The following FAM120B variants were observed in gnomAD, a reference collection of about 807,000 sequenced individuals.
FAM120B encodes the protein family with sequence similarity 120 member B.
In FAM120B, 83 loss-of-function variants were observed where a neutral mutation model predicts 96.3. The observed-to-expected ratio is 0.86, with a 90% CI of 0.72 to 1.03. The LOEUF is 1.03. Ranked by LOEUF, FAM120B falls within the 50% of genes least tolerant of loss-of-function variation. The pLI, the probability that FAM120B is intolerant of heterozygous loss-of-function variation, is 0.00. For synonymous variants in FAM120B, 407 were observed against 402.7 expected (o/e 1.01, Z -0.13); for missense variants, 1,027 against 1,121.2 (o/e 0.92, Z 1.20).
chr6:170,359,220 G>A (rs1472470180), intron 6 of FAM120B, among the ~76,000 whole-genome samples: 1 of 152,060 alleles, frequency 6.6e-6, no homozygotes, highest in Non-Finnish European at 1.5e-5. Flanking sequence ...GGCCAACATG[G>A]TGAACCCTCA....
In FAM120B at chr6:170,363,267, G is replaced by T. The variant is rs1788576979; in HGVS notation, c.2283+4949G>T. On this transcript the variant is annotated intron_variant, in intron 6 of 10. Transcript: ENST00000476287. The surrounding 1 kb of genome is among the most constrained non-coding windows in gnomAD (Gnocchi z 4.5). ...ATAGCTAATCATTGGGAAGTTCTTG[G>T]TCATTTTTTGGTTGGAAAATTAAAA... Among the ~76,000 whole-genome samples the T allele has an allele frequency of 6.6e-6, 1 of 152,204 alleles. No individual in the cohort carries two copies. The highest frequency in any genetic ancestry group is 1.5e-5 in the Non-Finnish European group (1 of 68,046).
Position 170,388,501 on chromosome 6 carries a change from C to T in FAM120B, c.2490+8C>T. ...GTTCTTTTAGAACAAAATGTGAGTTCACAGACACCTACCTTTCACCAGAAA... is the reference window on the plus strand; with the variant it reads ...GTTCTTTTAGAACAAAATGTGAGTTTACAGACACCTACCTTTCACCAGAAA... On this transcript the variant is annotated splice_region_variant and intron_variant, in intron 7 of 10. Coordinates refer to ENST00000476287, the MANE Select transcript of FAM120B (RefSeq NM_032448.3). The T allele has an allele frequency of 1.9e-6, 3 of 1,610,934 alleles. No homozygotes were observed. The highest frequency in any genetic ancestry group is 1.3e-5 in the African/African-American group (1 of 74,968).
Position 170,404,885 on chromosome 6 carries a change from A to C in FAM120B, c.*134A>C, listed in dbSNP as rs1380184380. The C allele has an allele frequency of 2.4e-6, 1 of 417,174 alleles. No homozygotes were observed. 25.8% of individuals were successfully genotyped at this position (417,174 alleles called of 1,614,324 possible). On this transcript the variant is annotated 3_prime_UTR_variant, in exon 11 of 11. Coordinates refer to ENST00000476287, the MANE Select transcript of FAM120B (RefSeq NM_032448.3). ...CCAGGCCTCGCTTGCATGAAGAAGG[A>C]ACGATGCCTTTTTCAATGGTGTCTC...
chr6:170,388,586 T>C, intron 7 of FAM120B, 93 bp downstream of exon 7: 1 of 1,054,588 alleles, frequency 9.5e-7, no homozygotes, highest in Non-Finnish European at 1.4e-6. Flanking sequence ...TTTTTCAAAT[T>C]AATGCTTTCC....
Position 170,335,045 on chromosome 6 carries a change from T to G in FAM120B, c.2017+4495T>G, listed in dbSNP as rs200364824. ...GTCAGGGTTTTTTGAGTTTTTTTTT[T>G]GTTTTTTTTTTTAATGTAAGTTCTG... On this transcript the variant is annotated intron_variant, in intron 4 of 10. Transcript: ENST00000476287. Among the ~76,000 whole-genome samples, 1,322 of 151,610 alleles carry G rather than the reference T, an allele frequency of 8.7e-3. 62 individuals carry two copies. The East Asian group carries it at 0.11, about 12-fold the overall frequency.
intron 1 of FAM120B, among the ~76,000 whole-genome samples, chr6:170,314,269 C>G (rs145705667): frequency 6.6e-6 from 1 of 152,326 alleles, no homozygotes. Flanking sequence ...GGCAGTGATT[C>G]TACTTTGCAC....
At position 170,370,118 on chromosome 6, in the gene FAM120B, T is replaced by A. The variant is rs1363671256; in HGVS notation, c.2283+11800T>A. On this transcript the variant is annotated intron_variant, in intron 6 of 10. Transcript: ENST00000476287. This position sits in a 1 kb window ranked among gnomAD's most constrained non-coding sequence, Gnocchi z 4.3. ...TCGGCAGAAATTTATCGCAGAGACA[T>A]TGCAGAGGTGAGACGGAGACTCTCA... Among the ~76,000 whole-genome samples the A allele has an allele frequency of 6.6e-6, 1 of 152,206 alleles. No individual in the cohort carries two copies. The highest frequency in any genetic ancestry group is 1.5e-5 in the Non-Finnish European group (1 of 68,030).
chr6:170,320,216 A>G (rs1424928112), intron 2 of FAM120B, among the ~76,000 whole-genome samples: 1 of 152,178 alleles, frequency 6.6e-6, no homozygotes, highest in Non-Finnish European at 1.5e-5. Flanking sequence ...ATAGATCTGT[A>G]AGGAAGCTCC....
chr6:170,388,528 A>G, intron 7 of FAM120B, 35 bp downstream of exon 7: 1 of 1,561,532 alleles, frequency 6.4e-7, no homozygotes, highest in Non-Finnish European at 8.8e-7. Flanking sequence ...CACCAGAAAC[A>G]TCCCTGTAGC....
chr6:170,385,514 T>A (rs1001587338), intron 6 of FAM120B, among the ~76,000 whole-genome samples: 1 of 152,140 alleles, frequency 6.6e-6, no homozygotes, highest in Non-Finnish European at 1.5e-5. Context: ...AGAGAAAGGT[T>A]TTTTTTATGT....
rs565926320 is a variant in FAM120B, at chr6:170,306,791, TG to T, written c.-70del. 0.01 allele frequency: 1,606 copies of T among 153,312 alleles called. 10 individuals are homozygous for T. Among genetic ancestry groups the T allele is most frequent in the Non-Finnish European group, 0.017 (1,138 of 68,884 alleles). 9.5% of individuals were successfully genotyped at this position (153,312 alleles called of 1,614,324 possible). A position where few individuals can be genotyped will look rare whatever the true frequency, so the allele number is the denominator to read the frequency against. ...CGGCTGTGGCGGTGGCTGAGGCGGC[TG>T]GGCCTAGGGTGCAGCGGGCGCGTCT... On this transcript the variant is annotated 5_prime_UTR_variant, in exon 1 of 11. Coordinates refer to ENST00000476287, the MANE Select transcript of FAM120B (RefSeq NM_032448.3).
intron 9 of FAM120B, among the ~76,000 whole-genome samples, chr6:170,400,467 C>CT (rs1778505703): frequency 1.3e-5 from 2 of 152,104 alleles, no homozygotes; most frequent in Non-Finnish European, 2.9e-5. Context: ...AGGCGGCCTG[C>CT]TGTGGTAGCT....
intron 1 of FAM120B, among the ~76,000 whole-genome samples, chr6:170,298,760 C>T (rs1037767864): frequency 6.6e-6 from 1 of 152,148 alleles, no homozygotes; most frequent in African/African-American, 2.4e-5. Flanking sequence ...AGATGTGAGG[C>T]TGCTTGCAGG....
intron 6 of FAM120B, among the ~76,000 whole-genome samples, chr6:170,361,198 G>GTATATATATATATATA (rs71010657): frequency 7.6e-5 from 5 of 66,036 alleles, no homozygotes; most frequent in Non-Finnish European, 8.4e-5. Flanking sequence ...ATATATACGT[G>GTATATATATATATATA]TATATATATA....
intron 9 of FAM120B, among the ~76,000 whole-genome samples, chr6:170,397,894 C>T (rs1438015150): frequency 1.3e-5 from 2 of 152,326 alleles, no homozygotes; most frequent in East Asian, 3.9e-4. Flanking sequence ...GCCTCTCTTT[C>T]GGGCAGACTG....
At position 170,323,211 on chromosome 6, in the gene FAM120B, C is replaced by A. The variant is rs758165465; in HGVS notation, c.1867C>A (p.Arg623Ser). 1.2e-6 allele frequency: 2 copies of A among 1,613,942 alleles called. No individual in the cohort carries two copies. Among genetic ancestry groups the A allele is most frequent in the Non-Finnish European group, 8.5e-7 (1 of 1,179,986 alleles). Residue 623 changes from arginine to serine, a missense_variant, in exon 3 of 11, where the codon CGT becomes AGT. Arg to Ser is a moderately radical substitution (Grantham distance 110). Coordinates refer to ENST00000476287, the MANE Select transcript of FAM120B (RefSeq NM_032448.3). ...QALPSQAFIY[R>S]PIRQRVYSLL... ...CTTACCCAGCCAGGCCTTCATTTAC[C>A]GTCCCATTCGACAGCGGGTCTACTC...
At chr6:170,376,478 G>A (rs970489095) in intron 6 of FAM120B, among the ~76,000 whole-genome samples, 14 of 151,950 alleles carry the variant, frequency 9.2e-5, no homozygotes, top group Non-Finnish European at 1.8e-4. Flanking sequence ...CGAGGAACAC[G>A]GGGGTGGGGG....
upstream of FAM120B, among the ~76,000 whole-genome samples, chr6:170,304,528 C>T: frequency 6.6e-6 from 1 of 151,624 alleles, no homozygotes; most frequent in Middle Eastern, 3.4e-3. Flanking sequence ...CTATTTTTCA[C>T]ATGTCACATT....
At chr6:170,369,743 T>C (rs1418477892) in intron 6 of FAM120B, among the ~76,000 whole-genome samples, 1 of 151,850 alleles carries the variant, frequency 6.6e-6, no homozygotes, top group Admixed American at 6.6e-5. Context: ...ATAGGAGGTT[T>C]CTCTTGTCCT....
Sources: allele counts gnomAD v4.1 joint callset (sites outside exome capture counted in the v4.1 genomes callset), GRCh38; gene constraint gnomAD v4.1.1; non-coding constraint Gnocchi (gnomAD v3.1); transcripts MANE v1.5; gene names NCBI Gene and HGNC (gene_info 2026-07-23, HGNC 2026-07-21).